The following STK32C variants were observed in gnomAD, a reference collection of about 807,000 sequenced individuals.
STK32C encodes the protein serine/threonine-protein kinase 32C.
A neutral mutation model predicts 56.5 loss-of-function variants in STK32C; 31 were observed. The observed-to-expected ratio is 0.55, with a 90% CI of 0.41 to 0.74. The LOEUF (loss-of-function observed/expected upper bound fraction) is 0.74, where lower values mean the gene tolerates loss of function less well. Ranked by LOEUF, STK32C falls within the 30% of genes least tolerant of loss-of-function variation. STK32C has a pLI of 0.00. For missense variants in STK32C, 544 were observed against 676.9 expected (o/e 0.80, Z 2.18); for synonymous variants, 309 against 289.4 (o/e 1.07, Z -0.69).
intron 1 of STK32C, among the ~76,000 whole-genome samples, chr10:132,288,269 A>T (rs769337289): frequency 6.6e-6 from 1 of 152,256 alleles, no homozygotes; most frequent in Non-Finnish European, 1.5e-5. Flanking sequence ...ACAGGAAAAA[A>T]TCCTTGTGAT....
chr10:132,282,631 C>T (rs1205269375), intron 1 of STK32C, among the ~76,000 whole-genome samples: 1 of 152,256 alleles, frequency 6.6e-6, no homozygotes, highest in Non-Finnish European at 1.5e-5. Flanking sequence ...GAAACCCCAA[C>T]TTGAAACAAG....
At chr10:132,259,785 AAAC>A (rs2064244413) in intron 1 of STK32C, among the ~76,000 whole-genome samples, 1 of 152,218 alleles carries the variant, frequency 6.6e-6, no homozygotes. Flanking sequence ...CCATCTCAGG[AAAC>A]CATGGCCGGC....
At chr10:132,248,428 G>A (rs1016759563) in intron 1 of STK32C, among the ~76,000 whole-genome samples, 20 of 152,234 alleles carry the variant, frequency 1.3e-4, no homozygotes, top group East Asian at 3.9e-4. Flanking sequence ...TGAGCTGGCC[G>A]CCTACAGCTT....
intron 1 of STK32C, among the ~76,000 whole-genome samples, chr10:132,251,647 G>A (rs2063910065): frequency 6.6e-6 from 1 of 151,216 alleles, no homozygotes; most frequent in African/African-American, 2.4e-5. Context: ...AGCCCTGAAT[G>A]CAAACCCTCC....
intron 1 of STK32C, chr10:132,330,499 A>T (rs1207613829): frequency 1.4e-6 from 1 of 716,874 alleles, no homozygotes; most frequent in African/African-American, 1.7e-5. Context: ...ATTGGTAGAT[A>T]GTTGGGTATG....
At chr10:132,276,168 G>GTCCACACA (rs2064993102) in intron 1 of STK32C, among the ~76,000 whole-genome samples, 1 of 152,224 alleles carries the variant, frequency 6.6e-6, no homozygotes, top group Admixed American at 6.5e-5. Context: ...ACACAAATCA[G>GTCCACACA]AAGGTGGACC....
At chr10:132,243,018 T>C (rs979141322) in intron 2 of STK32C, among the ~76,000 whole-genome samples, 3 of 152,222 alleles carry the variant, frequency 2.0e-5, no homozygotes, top group Non-Finnish European at 4.4e-5. Context: ...GGGCTCGGCA[T>C]GGGCTTGGGG....
upstream of STK32C, chr10:132,331,900 G>A (rs1277113279): frequency 1.2e-6 from 1 of 846,726 alleles, no homozygotes; most frequent in Non-Finnish European, 1.7e-6. Context: ...TGCCACCCCC[G>A]CGCAGGCGCA....
chr10:132,276,211 G>A (rs2064994840), intron 1 of STK32C, among the ~76,000 whole-genome samples: 1 of 152,224 alleles, frequency 6.6e-6, no homozygotes, highest in East Asian at 1.9e-4. Flanking sequence ...CATGACCGCA[G>A]CAGAAAAACC....
At chr10:132,229,870 T>G (rs1325208874) in intron 2 of STK32C, among the ~76,000 whole-genome samples, 2 of 152,260 alleles carry the variant, frequency 1.3e-5, no homozygotes, top group Non-Finnish European at 2.9e-5. Context: ...GCTGCAGCAC[T>G]GTGGTGCGGG....
chr10:132,216,169 G>A (rs1301946025), intron 10 of STK32C, among the ~76,000 whole-genome samples: 4 of 152,162 alleles, frequency 2.6e-5, no homozygotes, highest in Admixed American at 2.6e-4. Flanking sequence ...CAATGCAATA[G>A]AAAAGAAACT....
intron 1 of STK32C, among the ~76,000 whole-genome samples, chr10:132,246,538 C>G (rs115505448): frequency 0.016 from 2,463 of 152,274 alleles, 70 homozygotes; most frequent in African/African-American, 0.054. Flanking sequence ...ACCTGTGTAG[C>G]CTGGGAGAGC....
intron 1 of STK32C, among the ~76,000 whole-genome samples, chr10:132,246,314 C>T (rs1276433374): frequency 6.6e-6 from 1 of 152,242 alleles, no homozygotes; most frequent in African/African-American, 2.4e-5. Flanking sequence ...CTGCTCCATC[C>T]AGTGAAGACC....
chr10:132,221,460 G>C (rs1204513935), intron 10 of STK32C, among the ~76,000 whole-genome samples: 2 of 131,458 alleles, frequency 1.5e-5, no homozygotes, highest in Admixed American at 8.0e-5. Context: ...ACTCACAACT[G>C]ACATCAACGC....
intron 1 of STK32C, chr10:132,330,287 CA>C: frequency 3.3e-6 from 2 of 606,708 alleles, no homozygotes; most frequent in South Asian, 1.9e-5. Context: ...GGAATACGCT[CA>C]AATGGTTAGT....
chr10:132,219,359 C>T (rs751742470), intron 10 of STK32C, among the ~76,000 whole-genome samples: 30 of 152,034 alleles, frequency 2.0e-4, no homozygotes, highest in Non-Finnish European at 4.1e-4. Flanking sequence ...AAGACAAAGC[C>T]GAGCTCCTCC....
intron 1 of STK32C, among the ~76,000 whole-genome samples, chr10:132,273,962 C>T (rs2064918476): frequency 6.6e-6 from 1 of 152,364 alleles, no homozygotes; most frequent in Non-Finnish European, 1.5e-5. Context: ...GCGCTTCTGA[C>T]TTCTCAGCTG....
At chr10:132,285,468 A>G (rs1001418922) in intron 1 of STK32C, among the ~76,000 whole-genome samples, 2 of 152,272 alleles carry the variant, frequency 1.3e-5, no homozygotes, top group Admixed American at 1.3e-4. Flanking sequence ...TAAAAGATGT[A>G]CTTCCTATTT....
chr10:132,211,673 T>A (rs2062304046), intron 10 of STK32C, among the ~76,000 whole-genome samples: 1 of 152,146 alleles, frequency 6.6e-6, no homozygotes, highest in Non-Finnish European at 1.5e-5. Context: ...CCTCCTTGGG[T>A]GGCTGGAACC....
Sources: allele counts gnomAD v4.1 joint callset (sites outside exome capture counted in the v4.1 genomes callset), GRCh38; gene constraint gnomAD v4.1.1; transcripts MANE v1.5; gene names NCBI Gene and HGNC (gene_info 2026-07-23, HGNC 2026-07-21).